The following HOMER2 variants were observed in gnomAD, a reference collection of about 807,000 sequenced individuals.
The protein encoded by HOMER2 is homer protein homolog 2.
In HOMER2, 27 loss-of-function variants were observed where a neutral mutation model predicts 47.0. The observed-to-expected ratio is 0.57, with a 90% CI of 0.42 to 0.79. The LOEUF is 0.79. Among genes scored for constraint, HOMER2 ranks in the 30% least tolerant of loss-of-function variants. HOMER2 has a pLI of 0.00. For synonymous variants in HOMER2, 161 were observed against 163.8 expected (o/e 0.98, Z 0.13); for missense variants, 443 against 435.0 (o/e 1.02, Z -0.16).
downstream of HOMER2, chr15:82,844,460 C>A (rs2051212076): frequency 6.6e-6 from 1 of 151,846 alleles, no homozygotes; most frequent in Admixed American, 6.6e-5. Context: ...AATCTATTCA[C>A]AATATAGCAT....
At chr15:82,937,825 G>A (rs2054174789) in intron 1 of HOMER2, among the ~76,000 whole-genome samples, 1 of 152,108 alleles carries the variant, frequency 6.6e-6, no homozygotes, top group African/African-American at 2.4e-5. Context: ...CCACCTTCTG[G>A]GTCTGGGACT....
intron 4 of HOMER2, among the ~76,000 whole-genome samples, chr15:82,861,677 C>G (rs1487588235): frequency 6.6e-6 from 1 of 152,130 alleles, no homozygotes; most frequent in Non-Finnish European, 1.5e-5. Flanking sequence ...CTAAGAGATT[C>G]AGGAAACCAA....
intron 7 of HOMER2, among the ~76,000 whole-genome samples, chr15:82,851,936 G>C (rs1434418183): frequency 2.0e-5 from 3 of 152,200 alleles, no homozygotes; most frequent in Non-Finnish European, 4.4e-5. Context: ...ACCAGCTATA[G>C]AACAGGGGTA....
At chr15:82,967,363 C>CA (rs2151255138) in intron 1 of HOMER2, among the ~76,000 whole-genome samples, 1 of 152,010 alleles carries the variant, frequency 6.6e-6, no homozygotes, top group Non-Finnish European at 1.5e-5. Context: ...GGTATGATAA[C>CA]GTAAGTTTTA....
chr15:82,876,654 T>C (rs2052358405), intron 2 of HOMER2, among the ~76,000 whole-genome samples: 1 of 152,236 alleles, frequency 6.6e-6, no homozygotes, highest in African/African-American at 2.4e-5. Flanking sequence ...AAGAGCAATC[T>C]AAGTAAGTAT....
chr15:82,873,698 G>A (rs2052249707), intron 3 of HOMER2, among the ~76,000 whole-genome samples: 1 of 152,228 alleles, frequency 6.6e-6, no homozygotes, highest in Admixed American at 6.5e-5. Context: ...CTGTAAGAGG[G>A]CGGCACAAGG....
intron 1 of HOMER2, among the ~76,000 whole-genome samples, chr15:82,944,255 C>T (rs1012071557): frequency 4.6e-5 from 7 of 152,238 alleles, no homozygotes; most frequent in South Asian, 4.1e-4. Flanking sequence ...CCACACAAAA[C>T]GCACCCCGCT....
chr15:82,909,654 T>C (rs2053397711), intron 1 of HOMER2, among the ~76,000 whole-genome samples: 1 of 152,096 alleles, frequency 6.6e-6, no homozygotes. Flanking sequence ...ACAAGGAAGT[T>C]AAACTTTAAA....
At chr15:82,891,422 G>A (rs749849804) in intron 2 of HOMER2, among the ~76,000 whole-genome samples, 1 of 152,190 alleles carries the variant, frequency 6.6e-6, no homozygotes, top group Non-Finnish European at 1.5e-5. Context: ...TTGCCAAAGT[G>A]CAGAGAAAGG....
At chr15:82,947,468 T>G (rs1373143347) in intron 1 of HOMER2, among the ~76,000 whole-genome samples, 1 of 152,242 alleles carries the variant, frequency 6.6e-6, no homozygotes, top group African/African-American at 2.4e-5. Context: ...CAGTAGATCT[T>G]ATTTGTAAAC....
At chr15:82,950,432 C>T (rs753364727) in intron 1 of HOMER2, among the ~76,000 whole-genome samples, 5 of 151,988 alleles carry the variant, frequency 3.3e-5, no homozygotes, top group Non-Finnish European at 7.4e-5. Flanking sequence ...GCTGTAGGAT[C>T]GCAGCAAGGT....
downstream of HOMER2, among the ~76,000 whole-genome samples, chr15:82,957,731 A>T (rs1174849174): frequency 6.6e-6 from 1 of 152,202 alleles, no homozygotes; most frequent in Non-Finnish European, 1.5e-5. Flanking sequence ...GGTGAGCTAT[A>T]AACGATTTCC....
At chr15:82,867,246 T>G (rs1022101752) in intron 3 of HOMER2, among the ~76,000 whole-genome samples, 10 of 151,960 alleles carry the variant, frequency 6.6e-5, no homozygotes, top group Admixed American at 3.9e-4. Context: ...GAACTGAGCA[T>G]GTATCAAGCT....
chr15:82,875,508 C>A, intron 2 of HOMER2, 104 bp from the exon 3 acceptor site: 4 of 1,220,096 alleles, frequency 3.3e-6, no homozygotes, highest in Non-Finnish European at 4.6e-6. Context: ...AAGCCTGTAT[C>A]CTCTGCCCTG....
intron 1 of HOMER2, among the ~76,000 whole-genome samples, chr15:82,894,316 C>T (rs1032631483): frequency 2.6e-5 from 4 of 152,168 alleles, no homozygotes; most frequent in African/African-American, 7.2e-5. Flanking sequence ...ATGGCACAGA[C>T]TTATCACAAA....
At chr15:82,943,532 C>T (rs2054309000) in intron 1 of HOMER2, among the ~76,000 whole-genome samples, 1 of 152,222 alleles carries the variant, frequency 6.6e-6, no homozygotes. Context: ...TCTCTGTCAC[C>T]AGCTCCCACA....
At chr15:82,962,495 G>A (rs938490279) in intron 1 of HOMER2, among the ~76,000 whole-genome samples, 6 of 151,838 alleles carry the variant, frequency 4.0e-5, no homozygotes, top group Admixed American at 1.3e-4. Context: ...TGACCAACAC[G>A]GCGAAATGCT....
At chr15:82,935,173 G>C (rs993454063) in intron 1 of HOMER2, among the ~76,000 whole-genome samples, 31 of 152,094 alleles carry the variant, frequency 2.0e-4, no homozygotes, top group African/African-American at 7.2e-4. Flanking sequence ...TCTCATGTAT[G>C]GTCCTATTTC....
intron 2 of HOMER2, 31 bp downstream of exon 2, chr15:82,892,654 G>A (rs1231803721): frequency 8.9e-6 from 13 of 1,454,936 alleles, no homozygotes; most frequent in African/African-American, 1.4e-5. Flanking sequence ...TAAGCAACTG[G>A]GAGTATTAAA....
Sources: gnomAD v4.1 joint callset for allele counts (sites outside exome capture counted in the v4.1 genomes callset) on GRCh38, gnomAD v4.1.1 for gene constraint, MANE v1.5 for transcripts, NCBI Gene and HGNC (gene_info 2026-07-23, HGNC 2026-07-21) for gene names.